The following STK33 variants were observed in gnomAD, a reference collection of about 807,000 sequenced individuals.
STK33 encodes serine/threonine kinase 33.
A neutral mutation model predicts 58.0 loss-of-function variants in STK33; 52 were observed. The observed-to-expected ratio is 0.90, with a 90% CI of 0.72 to 1.13. The LOEUF (loss-of-function observed/expected upper bound fraction) is 1.13. STK33 is among the 50% of genes most tolerant of loss of function. STK33 has a pLI of 0.00. For missense variants in STK33, 630 were observed against 604.2 expected (o/e 1.04, Z -0.45); for synonymous variants, 215 against 200.1 (o/e 1.07, Z -0.63).
intron 15 of STK33, among the ~76,000 whole-genome samples, chr11:8,407,678 GA>G (rs932054116): frequency 2.0e-5 from 3 of 148,542 alleles, no homozygotes; most frequent in Admixed American, 1.3e-4. Context: ...GTAAAGAATA[GA>G]AAAAAAAAGA....
the STK33 span, among the ~76,000 whole-genome samples, chr11:8,354,228 G>C: frequency 1.3e-5 from 2 of 151,980 alleles, no homozygotes; most frequent in Admixed American, 6.6e-5. Context: ...TCAGTTAGGA[G>C]AAACCCCTGC....
chr11:8,348,862 G>A, the STK33 span, among the ~76,000 whole-genome samples: 1 of 149,684 alleles, frequency 6.7e-6, no homozygotes, highest in Non-Finnish European at 1.5e-5. Flanking sequence ...GAAAAGGGTT[G>A]GAGAGCACTT....
In STK33 at chr11:8,545,417, C is replaced by T. The variant is rs186214027; in HGVS notation, c.-466+48666G>A. Reference sequence around the variant, plus strand: ...ATCAGTGTCACTAAATTGGGCAAAACGAAATATAAATATCCCAATCAAGTA... The same window carrying T: ...ATCAGTGTCACTAAATTGGGCAAAATGAAATATAAATATCCCAATCAAGTA... On this transcript the variant is annotated intron_variant, in intron 1 of 15. Transcript: ENST00000687296. 1.1e-4 allele frequency among the ~76,000 whole-genome samples: 16 copies of T among 152,082 alleles called. No individual in the cohort carries two copies. The South Asian group carries it at 2.5e-3, about 24-fold the overall frequency.
chr11:8,343,969 G>A, the STK33 span, among the ~76,000 whole-genome samples: 1 of 152,090 alleles, frequency 6.6e-6, no homozygotes, highest in South Asian at 2.1e-4. Context: ...ACTCATGTGA[G>A]TCCTTCAGAG....
intron 15 of STK33, 117 bp downstream of exon 15, chr11:8,413,378 A>C: frequency 3.6e-6 from 4 of 1,110,318 alleles, no homozygotes; most frequent in Non-Finnish European, 5.3e-6. Flanking sequence ...TACTTGCTAT[A>C]TAACGCTCGG....
chr11:8,350,048 T>C, the STK33 span, among the ~76,000 whole-genome samples: 1 of 152,268 alleles, frequency 6.6e-6, no homozygotes, highest in African/African-American at 2.4e-5. Flanking sequence ...TTCATATGCC[T>C]CATCTCACTT....
chr11:8,476,241 C>T (rs181697768), intron 4 of STK33, among the ~76,000 whole-genome samples: 1 of 152,158 alleles, frequency 6.6e-6, no homozygotes, highest in Non-Finnish European at 1.5e-5. Flanking sequence ...TTAAGCTTAA[C>T]AGAATGCAGG....
chr11:8,413,386 C>G, intron 15 of STK33, 109 bp downstream of exon 15: 1 of 1,194,960 alleles, frequency 8.4e-7, no homozygotes, highest in Non-Finnish European at 1.2e-6. Context: ...ATATAACGCT[C>G]GGCCTTTGTT....
intron 7 of STK33, 63 bp from the exon 8 acceptor site, chr11:8,461,972 A>G: frequency 8.4e-6 from 11 of 1,309,118 alleles, no homozygotes; most frequent in Non-Finnish European, 9.3e-6. Flanking sequence ...CCTTGATAGA[A>G]AAGTTATTTT....
At chr11:8,376,822 G>A in the STK33 span, among the ~76,000 whole-genome samples, 1 of 152,010 alleles carries the variant, frequency 6.6e-6, no homozygotes, top group South Asian at 2.1e-4. Flanking sequence ...TTACAGGCAT[G>A]AGCCACCATG....
intron 6 of STK33, among the ~76,000 whole-genome samples, chr11:8,470,897 G>A (rs1220829263): frequency 6.6e-6 from 1 of 152,106 alleles, no homozygotes; most frequent in Non-Finnish European, 1.5e-5. Flanking sequence ...ATATAATAAT[G>A]AAGAAAAAGT....
intron 6 of STK33, chr11:8,467,076 A>G (rs1948274126): frequency 6.6e-6 from 1 of 152,134 alleles, no homozygotes; most frequent in Non-Finnish European, 1.5e-5. Context: ...TTTTCCTCCT[A>G]GTACTCTGGG....
intron 1 of STK33, among the ~76,000 whole-genome samples, chr11:8,572,074 A>T (rs1459752714): frequency 6.6e-6 from 1 of 150,592 alleles, no homozygotes; most frequent in African/African-American, 2.4e-5. Context: ...TTAAAAATTA[A>T]TTTTAAAAAA....
intron 2 of STK33, among the ~76,000 whole-genome samples, chr11:8,478,310 T>A (rs1450250090): frequency 6.6e-6 from 1 of 152,166 alleles, no homozygotes. Context: ...AAATATGTAT[T>A]ACAAAAACCA....
At chr11:8,470,600 C>T (rs183575026) in intron 6 of STK33, among the ~76,000 whole-genome samples, 134 of 152,278 alleles carry the variant, frequency 8.8e-4, no homozygotes, top group African/African-American at 2.2e-3. Context: ...TTTCAACATG[C>T]GCTCCTCATT....
intron 1 of STK33, among the ~76,000 whole-genome samples, chr11:8,509,642 T>G (rs1429055822): frequency 6.6e-6 from 1 of 152,164 alleles, no homozygotes; most frequent in Non-Finnish European, 1.5e-5. Context: ...TAATATGTAG[T>G]CTTTTATCCC....
chr11:8,475,843 T>C (rs935815064), intron 4 of STK33: 19 of 152,332 alleles, frequency 1.2e-4, no homozygotes, highest in African/African-American at 4.3e-4. Context: ...TTTTATGCTA[T>C]ACCATTTCAG....
At chr11:8,563,605 G>A (rs9300089) in intron 1 of STK33, among the ~76,000 whole-genome samples, 62,418 of 151,846 alleles carry the variant, frequency 0.41, 13,035 homozygotes, top group South Asian at 0.57. Context: ...TGTACTTTTC[G>A]GATTTCAAGT....
At chr11:8,538,878 G>A (rs1378875172) in intron 1 of STK33, among the ~76,000 whole-genome samples, 3 of 152,106 alleles carry the variant, frequency 2.0e-5, no homozygotes, top group Non-Finnish European at 4.4e-5. Flanking sequence ...AAAAGTCAAG[G>A]GTCCGGAACT....
Sources: allele counts gnomAD v4.1 joint callset (sites outside exome capture counted in the v4.1 genomes callset), GRCh38; gene constraint gnomAD v4.1.1; transcripts MANE v1.5; gene names NCBI Gene and HGNC (gene_info 2026-07-23, HGNC 2026-07-21).